Variants in ELAVL2 observed in about 807,000 individuals in gnomAD.
ELAVL2 encodes the protein ELAV like RNA binding protein 2, also known as ELAV-like protein 2.
In ELAVL2, 4 loss-of-function variants were observed where a neutral mutation model predicts 34.6. The observed-to-expected ratio is 0.12, with a 90% CI of 0.06 to 0.26. The LOEUF (loss-of-function observed/expected upper bound fraction) is 0.26. Among genes scored for constraint, ELAVL2 ranks in the 10% least tolerant of loss-of-function variants. The pLI, the probability that ELAVL2 is intolerant of heterozygous loss-of-function variation, is 1.00. For missense variants in ELAVL2, 432 were observed against 442.8 expected (o/e 0.98, Z 0.22); for synonymous variants, 193 against 154.8 (o/e 1.25, Z -1.83).
chr9:23,693,217 C>G (rs572402586), intron 6 of ELAVL2, among the ~76,000 whole-genome samples: 1 of 152,156 alleles, frequency 6.6e-6, no homozygotes, highest in African/African-American at 2.4e-5. Flanking sequence ...CATGCTGTAA[C>G]GTCGTAACGC....
chr9:23,809,264 T>C lies in ELAVL2; in HGVS notation c.-16+16542A>G, dbSNP rs990072003. 5.9e-5 allele frequency among the ~76,000 whole-genome samples: 9 copies of C among 152,220 alleles called. No individual in the cohort carries two copies. In the South Asian group the frequency reaches 6.2e-4, roughly 11 times the overall value. ...TTCTCACGTTTACACCAGCTTTCCATAGCACAAGGACAATATTTATACTCT... is the reference window on the plus strand; with the variant it reads ...TTCTCACGTTTACACCAGCTTTCCACAGCACAAGGACAATATTTATACTCT... On this transcript the variant is annotated intron_variant, in intron 1 of 6. Transcript: ENST00000397312.
intron 5 of ELAVL2, among the ~76,000 whole-genome samples, chr9:23,700,894 G>C (rs908845633): frequency 3.3e-5 from 5 of 151,146 alleles, no homozygotes; most frequent in Admixed American, 6.6e-5. Flanking sequence ...AAAAAAAAAA[G>C]GAAATCTGAA....
intron 3 of ELAVL2, among the ~76,000 whole-genome samples, chr9:23,723,427 C>A (rs554441608): frequency 1.3e-5 from 2 of 150,678 alleles, no homozygotes; most frequent in Admixed American, 1.3e-4. Context: ...GTTGTGGGGA[C>A]GGGGGAGGGA....
intron 1 of ELAVL2, among the ~76,000 whole-genome samples, chr9:23,786,431 T>C (rs2059689657): frequency 6.6e-6 from 1 of 151,854 alleles, no homozygotes; most frequent in Non-Finnish European, 1.5e-5. Context: ...GCTACTGAAA[T>C]GACAACAACC....
At chr9:23,718,336 GTGTTTTGGGCCC>G (rs1327796145) in intron 3 of ELAVL2, among the ~76,000 whole-genome samples, 1 of 152,112 alleles carries the variant, frequency 6.6e-6, no homozygotes, top group Non-Finnish European at 1.5e-5. Flanking sequence ...CCAAGATTTA[GTGTTTTGGGCCC>G]TGATTTGACA....
chr9:23,793,060 G>A (rs1345716811), intron 1 of ELAVL2, among the ~76,000 whole-genome samples: 1 of 152,150 alleles, frequency 6.6e-6, no homozygotes, highest in African/African-American at 2.4e-5. Flanking sequence ...TTACAGGAGT[G>A]AGGCACCACT....
intron 2 of ELAVL2, among the ~76,000 whole-genome samples, chr9:23,750,031 G>GAAAAAAAAAAAAAAAAA (rs10718431): frequency 7.3e-6 from 1 of 136,624 alleles, no homozygotes; most frequent in Non-Finnish European, 1.6e-5. Context: ...CTTAAAAAAG[G>GAAAAAAAAAAAAAAAAA]AAAAAAAAAA....
At chr9:23,768,454 TTTTTTA>T (rs1009970127) in intron 1 of ELAVL2, among the ~76,000 whole-genome samples, 3 of 152,124 alleles carry the variant, frequency 2.0e-5, no homozygotes, top group African/African-American at 7.2e-5. Flanking sequence ...TTTTTTTTTT[TTTTTTA>T]CTTTTTACAA....
chr9:23,710,050 A>G (rs2133607914), intron 3 of ELAVL2, among the ~76,000 whole-genome samples: 1 of 152,328 alleles, frequency 6.6e-6, no homozygotes, highest in South Asian at 2.1e-4. Context: ...TACTACAGGT[A>G]AGTAAATGGC....
the ELAVL2 span, among the ~76,000 whole-genome samples, chr9:23,837,359 C>T: frequency 0.011 from 1,638 of 152,236 alleles, 18 homozygotes; most frequent in Non-Finnish European, 0.018. Flanking sequence ...GGCATGAGTC[C>T]TAGTATTATT....
chr9:23,836,764 T>C, the ELAVL2 span, among the ~76,000 whole-genome samples: 1 of 152,018 alleles, frequency 6.6e-6, no homozygotes, highest in African/African-American at 2.4e-5. Context: ...CTGTCTATAA[T>C]AGAGGAAGTG....
intron 1 of ELAVL2, among the ~76,000 whole-genome samples, chr9:23,813,788 G>C (rs552950592): frequency 6.6e-6 from 1 of 152,300 alleles, no homozygotes; most frequent in East Asian, 1.9e-4. Context: ...ATCTAAATAT[G>C]TAAGGAGCAG....
Position 23,717,791 on chromosome 9 carries a change from C to G in ELAVL2, c.334-12720G>C, listed in dbSNP as rs145727350. Among the ~76,000 whole-genome samples, 154 of 152,278 alleles carry G rather than the reference C, an allele frequency of 1.0e-3. No homozygotes were observed. In the Middle Eastern group the frequency reaches 0.014, roughly 13 times the overall value. ...AATGACATCAAGGACAAGGCTACCT[C>G]TTGTCTTATTTTAATGCTGTTCAAA... is the stretch of plus-strand genomic sequence containing the variant. On this transcript the variant is annotated intron_variant, in intron 3 of 6. Transcript: ENST00000397312.
At position 23,705,075 on chromosome 9, in the gene ELAVL2, G is replaced by T. The variant is rs770263915; in HGVS notation, c.334-4C>A. On this transcript the variant is annotated splice_region_variant and splice_polypyrimidine_tract_variant and intron_variant, in intron 3 of 6. Transcript: ENST00000397312. ...AACTTGGGCGAGCATAGGAAACCTGGAAAAGGAAAATAAAATTAAATGTAT... is the reference window on the plus strand; with the variant it reads ...AACTTGGGCGAGCATAGGAAACCTGTAAAAGGAAAATAAAATTAAATGTAT... 5.6e-6 allele frequency: 9 copies of T among 1,613,730 alleles called. No individual in the cohort carries two copies. The African/African-American group carries it at 8.0e-5, about 14-fold the overall frequency.
upstream of ELAVL2, among the ~76,000 whole-genome samples, chr9:23,830,836 A>G (rs941364009): frequency 6.6e-6 from 1 of 151,982 alleles, no homozygotes; most frequent in Admixed American, 6.6e-5. Flanking sequence ...AACTTTTAGG[A>G]GGATAAACTC....
At chr9:23,701,681 A>AT in intron 4 of ELAVL2, 77 bp from the exon 5 acceptor site, 4 of 1,461,366 alleles carry the variant, frequency 2.7e-6, no homozygotes, top group East Asian at 2.3e-5. Flanking sequence ...GGACACATTA[A>AT]TTTTTCCTTC....
At chr9:23,768,540 A>T (rs1409898340) in intron 1 of ELAVL2, among the ~76,000 whole-genome samples, 2 of 152,084 alleles carry the variant, frequency 1.3e-5, no homozygotes, top group Non-Finnish European at 2.9e-5. Flanking sequence ...CTATCCCACC[A>T]AGTATTTCAA....
At chr9:23,845,342 A>G in the ELAVL2 span, among the ~76,000 whole-genome samples, 1 of 151,840 alleles carries the variant, frequency 6.6e-6, no homozygotes, top group Non-Finnish European at 1.5e-5. Context: ...TTTAGTACAT[A>G]ATCATGTAAT....
chr9:23,725,895 A>G (rs2045017265), intron 3 of ELAVL2, among the ~76,000 whole-genome samples: 1 of 152,158 alleles, frequency 6.6e-6, no homozygotes, highest in Non-Finnish European at 1.5e-5. Context: ...AAAGCAGGTA[A>G]TGAAAATTCT....
Sources: allele counts gnomAD v4.1 joint callset (sites outside exome capture counted in the v4.1 genomes callset), GRCh38; gene constraint gnomAD v4.1.1; transcripts MANE v1.5; gene names NCBI Gene and HGNC (gene_info 2026-07-23, HGNC 2026-07-21).